Variants in ZFR2 observed in about 807,000 individuals in gnomAD.
The protein encoded by ZFR2 is zinc finger RNA-binding protein 2.
Under a neutral mutation model 105.7 loss-of-function variants are expected in ZFR2, and 104 were observed. The observed-to-expected ratio is 0.98, with a 90% CI of 0.84 to 1.16. The LOEUF (loss-of-function observed/expected upper bound fraction) is 1.16. ZFR2 is among the 50% of genes most tolerant of loss of function. The pLI, the probability that ZFR2 is intolerant of heterozygous loss-of-function variation, is 0.00. For missense variants in ZFR2, 1,425 were observed against 1,355.5 expected (o/e 1.05, Z -0.80); for synonymous variants, 634 against 597.7 (o/e 1.06, Z -0.89).
In ZFR2 at chr19:3,805,679, A is replaced by G; in HGVS notation, c.*270T>C. The G allele has an allele frequency of 2.6e-6, 1 of 380,798 alleles. No individual in the cohort carries two copies. 23.6% of individuals were successfully genotyped at this position (380,798 alleles called of 1,614,324 possible). On this transcript the variant is annotated 3_prime_UTR_variant, in exon 19 of 19. Coordinates refer to ENST00000262961, the MANE Select transcript of ZFR2 (RefSeq NM_015174.2). ...AACCATGCCAAGCTGATTTTTAAAA[A>G]TATTTTGGAGAGATGGGGGTCTCAC... is the stretch of plus-strand genomic sequence containing the variant.
rs1418130735 is a variant in ZFR2, at chr19:3,837,251, C to T, written c.54-2268G>A. Among the ~76,000 whole-genome samples, 7 of 152,242 alleles carry T rather than the reference C, an allele frequency of 4.6e-5. No homozygotes were observed. In the East Asian group the frequency reaches 1.3e-3, roughly 29 times the overall value. On this transcript the variant is annotated intron_variant, in intron 1 of 18. Coordinates refer to ENST00000262961, the MANE Select transcript of ZFR2 (RefSeq NM_015174.2). ...CTCCTGGCTTCAAGCATTCATTCCTCTAGCATTTTCACACACTTGTCCTGA... is the reference window on the plus strand; with the variant it reads ...CTCCTGGCTTCAAGCATTCATTCCTTTAGCATTTTCACACACTTGTCCTGA...
intron 1 of ZFR2, among the ~76,000 whole-genome samples, chr19:3,836,382 T>C (rs1007711649): frequency 3.9e-5 from 6 of 152,174 alleles, no homozygotes; most frequent in Non-Finnish European, 8.8e-5. Context: ...TGAAGTTCAG[T>C]GCTACGATCA....
chr19:3,811,739 G>A (rs1244691863), intron 14 of ZFR2, among the ~76,000 whole-genome samples: 1 of 151,760 alleles, frequency 6.6e-6, no homozygotes, highest in Non-Finnish European at 1.5e-5. Flanking sequence ...ACAGGCGTGA[G>A]CCACCGTGCC....
At chr19:3,837,966 A>C (rs2038094914) in intron 1 of ZFR2, among the ~76,000 whole-genome samples, 1 of 151,524 alleles carries the variant, frequency 6.6e-6, no homozygotes, top group African/African-American at 2.4e-5. Flanking sequence ...GACTGTGACA[A>C]TCAATGGACA....
chr19:3,857,212 C>T lies in ZFR2; in HGVS notation c.53+11753G>A, dbSNP rs144793409. Reference sequence around the variant, plus strand: ...AAGCGATTCTCCTGCCTCAGCCTCCCGAGTACCTGGGACTACAGGCGCACC... The same window carrying T: ...AAGCGATTCTCCTGCCTCAGCCTCCTGAGTACCTGGGACTACAGGCGCACC... On this transcript the variant is annotated intron_variant, in intron 1 of 18. Coordinates refer to ENST00000262961, the MANE Select transcript of ZFR2 (RefSeq NM_015174.2). Among the ~76,000 whole-genome samples, 154 of 151,634 alleles carry T rather than the reference C, an allele frequency of 1.0e-3. 1 individual carries two copies. Among genetic ancestry groups the T allele is most frequent in the African/African-American group, 3.1e-3 (129 of 41,314 alleles).
chr19:3,850,855 T>G (rs1451183680), intron 1 of ZFR2, among the ~76,000 whole-genome samples: 3 of 141,922 alleles, frequency 2.1e-5, no homozygotes, highest in African/African-American at 8.2e-5. Flanking sequence ...CAGTGAGCTG[T>G]GATCTCACCA....
chr19:3,810,917 G>C (rs550429842), intron 15 of ZFR2, 72 bp from the exon 16 acceptor site: 1 of 1,496,092 alleles, frequency 6.7e-7, no homozygotes, highest in African/African-American at 1.4e-5. Flanking sequence ...GGGCTCTGTC[G>C]TGAGCGTGAA....
Position 3,860,752 on chromosome 19 carries a change from T to C in ZFR2, c.53+8213A>G, listed in dbSNP as rs1230609830. On this transcript the variant is annotated intron_variant, in intron 1 of 18. Coordinates refer to ENST00000262961, the MANE Select transcript of ZFR2 (RefSeq NM_015174.2). ...AGCATCGGCTCACTACGGCAACACC[T>C]TTTTACTCTTGTGCACCAAACTGGC... 2.0e-5 allele frequency among the ~76,000 whole-genome samples: 3 copies of C among 152,090 alleles called. No homozygotes were observed. In the East Asian group the frequency reaches 5.8e-4, roughly 29 times the overall value.
Position 3,816,797 on chromosome 19 carries a change from G to A in ZFR2, c.1980C>T (p.Gly660=). Residue 660 remains glycine, a synonymous_variant, in exon 13 of 19, where the codon GGC becomes GGT. Coordinates refer to ENST00000262961, the MANE Select transcript of ZFR2 (RefSeq NM_015174.2). The part of the protein sequence containing the change: ...TRVLKGVMRV[G]ILAKGLLLRG... ...GCAGGAGGAGGCCTTTCGCCAGGATGCCTACTCGCATGACGCCTTTCAGGA... is the reference window on the plus strand; with the variant it reads ...GCAGGAGGAGGCCTTTCGCCAGGATACCTACTCGCATGACGCCTTTCAGGA... 6.3e-7 allele frequency: 1 copy of A among 1,595,464 alleles called. No homozygotes were observed. The highest frequency in any genetic ancestry group is 1.3e-5 in the African/African-American group (1 of 74,754).
At chr19:3,816,949 T>A in intron 12 of ZFR2, 104 bp from the exon 13 acceptor site, 1 of 1,099,898 alleles carries the variant, frequency 9.1e-7, no homozygotes, top group African/African-American at 1.6e-5. Flanking sequence ...ACAGAGCCTC[T>A]CTGTGCCTCG....
At position 3,823,728 on chromosome 19, in the gene ZFR2, T is replaced by G; in HGVS notation, c.1214-325A>C. On this transcript the variant is annotated intron_variant, in intron 7 of 18. Coordinates refer to ENST00000262961, the MANE Select transcript of ZFR2 (RefSeq NM_015174.2). This position sits in a 1 kb window ranked among gnomAD's most constrained non-coding sequence, Gnocchi z 5.4. ...GTATCAGGCGGACCAAGGCTCGCAC[T>G]TAACCTACCCCCGTTAGGCGAAATG... 6.6e-6 allele frequency among the ~76,000 whole-genome samples: 1 copy of G among 152,192 alleles called. No homozygotes were observed. The highest frequency in any genetic ancestry group is 1.9e-4 in the East Asian group (1 of 5,198).
chr19:3,859,362 C>T (rs2038344192), intron 1 of ZFR2, among the ~76,000 whole-genome samples: 1 of 152,242 alleles, frequency 6.6e-6, no homozygotes, highest in Non-Finnish European at 1.5e-5. Context: ...GGGACTCGGA[C>T]TGATCCACCC....
intron 3 of ZFR2, 62 bp from the exon 4 acceptor site, chr19:3,831,940 G>T: frequency 7.3e-7 from 1 of 1,377,776 alleles, no homozygotes; most frequent in Middle Eastern, 2.7e-4. Flanking sequence ...CTCACCTGCA[G>T]ATGGGCCCTG....
At chr19:3,854,436 T>C (rs1484892050) in intron 1 of ZFR2, among the ~76,000 whole-genome samples, 2 of 152,066 alleles carry the variant, frequency 1.3e-5, no homozygotes, top group African/African-American at 2.4e-5. Context: ...AACTACCACA[T>C]AACAGGCGCT....
rs1295513263 is a variant in ZFR2, at chr19:3,848,792, C to A, written c.54-13809G>T. Among the ~76,000 whole-genome samples the A allele has an allele frequency of 2.0e-5, 3 of 151,862 alleles. No homozygotes were observed. In the East Asian group the frequency reaches 5.9e-4, roughly 30 times the overall value. On this transcript the variant is annotated intron_variant, in intron 1 of 18. Coordinates refer to ENST00000262961, the MANE Select transcript of ZFR2 (RefSeq NM_015174.2). ...GGATCACGAGGTCAGGAGATCGAGA[C>A]CATCCTGGCTAACACGGTGAAACCC...
rs1337530238 is a variant in ZFR2 at position 3,815,889 on chromosome 19, C to CTACA, written c.2103+781_2103+784dup. ...GCCTCAGCCTCCCGAGTAGCTGAGA[C>CTACA]TACAGGCGCCCGCCACCACGCCTGG... On this transcript the variant is annotated intron_variant, in intron 13 of 18. Coordinates refer to ENST00000262961, the MANE Select transcript of ZFR2 (RefSeq NM_015174.2). Among the ~76,000 whole-genome samples the CTACA allele has an allele frequency of 7.9e-5, 12 of 151,314 alleles. No individual in the cohort carries two copies. The South Asian group carries it at 2.1e-3, about 27-fold the overall frequency.
chr19:3,808,178 C>T (rs991535535), intron 17 of ZFR2, among the ~76,000 whole-genome samples: 12 of 137,586 alleles, frequency 8.7e-5, no homozygotes, highest in Admixed American at 5.1e-4. Flanking sequence ...TGTGCCTGTG[C>T]GTGTGCATGC....
At chr19:3,842,634 T>C (rs888286015) in intron 1 of ZFR2, among the ~76,000 whole-genome samples, 20 of 151,964 alleles carry the variant, frequency 1.3e-4, no homozygotes, top group African/African-American at 4.3e-4. Flanking sequence ...TTTCTTTTTT[T>C]TTTTTTGAGA....
At chr19:3,819,322 C>T (rs890339648) in intron 11 of ZFR2, 87 bp from the exon 12 acceptor site, 4 of 1,359,212 alleles carry the variant, frequency 2.9e-6, no homozygotes, top group South Asian at 1.5e-5. Context: ...GGCAGGTGGC[C>T]GTGGCCAGCC....
Sources: gnomAD v4.1 joint callset for allele counts (sites outside exome capture counted in the v4.1 genomes callset) on GRCh38, gnomAD v4.1.1 for gene constraint, Gnocchi (gnomAD v3.1) non-coding constraint, MANE v1.5 for transcripts, NCBI Gene and HGNC (gene_info 2026-07-23, HGNC 2026-07-21) for gene names.